The following MAMLD1 variants were observed in gnomAD, a reference collection of about 807,000 sequenced individuals.
MAMLD1 encodes the protein mastermind-like domain-containing protein 1.
In MAMLD1, 14 loss-of-function variants were observed where a neutral mutation model predicts 45.0. The ratio of observed to expected loss-of-function variants is 0.31; its 90% CI spans 0.21 to 0.49. The LOEUF (loss-of-function observed/expected upper bound fraction) is 0.49. MAMLD1 is among the 20% of genes least tolerant of loss of function. The probability of loss-of-function intolerance (pLI) is 0.99; values close to 1 mark genes in which losing one functional copy is unlikely to be tolerated. For synonymous variants in MAMLD1, 254 were observed against 247.8 expected (o/e 1.02, Z -0.24); for missense variants, 543 against 603.6 (o/e 0.90, Z 1.05).
At chrX:150,367,860 T>C (rs1456158408) in intron 1 of MAMLD1, among the ~76,000 whole-genome samples, 1 of 111,573 alleles carries the variant, frequency 9.0e-6, no homozygotes, top group African/African-American at 3.3e-5. Context: ...GTTTCTAGCT[T>C]CATCCATGTC....
At chrX:150,451,054 A>G (rs782447465) in intron 2 of MAMLD1, among the ~76,000 whole-genome samples, 1 of 112,663 alleles carries the variant, frequency 8.9e-6, no homozygotes, top group East Asian at 2.8e-4. Context: ...CTTGCAGGAC[A>G]CCACTGGGCT....
intron 2 of MAMLD1, 98 bp from the exon 3 acceptor site, chrX:150,462,674 G>C: frequency 1.7e-6 from 1 of 597,273 alleles, no homozygotes; most frequent in East Asian, 3.3e-5. Context: ...TTTGATTCAA[G>C]TAACAGTCTG....
chrX:150,474,183 G>A (rs1432696473), intron 5 of MAMLD1, among the ~76,000 whole-genome samples: 1 of 111,897 alleles, frequency 8.9e-6, no homozygotes, highest in Non-Finnish European at 1.9e-5. Flanking sequence ...AGAGGCAGGG[G>A]CTGTTACCAT....
chrX:150,377,623 T>A (rs782098069), intron 1 of MAMLD1, among the ~76,000 whole-genome samples: 37 of 111,675 alleles, frequency 3.3e-4, no homozygotes, highest in African/African-American at 1.2e-3. Flanking sequence ...AGGCCTTTAA[T>A]CTTTGATCTC....
intron 1 of MAMLD1, among the ~76,000 whole-genome samples, chrX:150,367,751 T>A (rs1176875548): frequency 2.0e-5 from 2 of 100,486 alleles, no homozygotes; most frequent in Non-Finnish European, 4.0e-5. Flanking sequence ...GATGTTCCCC[T>A]TCCTGTGTCC....
intron 5 of MAMLD1, among the ~76,000 whole-genome samples, chrX:150,481,945 AAAAGAAAGAAAGAAAGAAAAAAGAAAG>A (rs1268245371): frequency 1.3e-4 from 12 of 95,810 alleles, no homozygotes; most frequent in African/African-American, 4.1e-4. Flanking sequence ...AAAGAAAGAA[AAAAGAAAGAAAGAAAGAAAAAAGAAAG>A]AAAGAAAGAA....
Position 150,471,061 on chromosome X carries a change from G to A in MAMLD1, c.1488G>A (p.Gln496=), listed in dbSNP as rs1427557775. 16 of 1,209,552 alleles carry A rather than the reference G, an allele frequency of 1.3e-5. No individual in the cohort carries two copies. The highest frequency in any genetic ancestry group is 3.0e-5 in the East Asian group (1 of 33,777). ...TSNLLSQQQQ[Q]QQQQQQANVI... ...ATCTTCTAAGCCAGCAACAGCAGCA[G>A]CAGCAGCAGCAGCAGCAAGCAAATG... is the stretch of plus-strand genomic sequence containing the variant. The change falls in exon 4 of 8, where the codon CAG becomes CAA. Residue 496 remains glutamine (Q), a synonymous_variant. Coordinates refer to ENST00000370401, the MANE Select transcript of MAMLD1 (RefSeq NM_005491.5).
At chrX:150,370,464 A>G (rs1168269212) in intron 1 of MAMLD1, among the ~76,000 whole-genome samples, 4 of 112,139 alleles carry the variant, frequency 3.6e-5, no homozygotes, top group Non-Finnish European at 7.5e-5. Flanking sequence ...AGGAAGAAGA[A>G]AAGGCCCCAT....
intron 1 of MAMLD1, among the ~76,000 whole-genome samples, chrX:150,426,292 G>C (rs2034699875): frequency 8.9e-6 from 1 of 112,390 alleles, no homozygotes; most frequent in African/African-American, 3.2e-5. Context: ...GCCAGAAGTG[G>C]TCATGACTGA....
chrX:150,430,507 G>T (rs1435685947), intron 1 of MAMLD1, among the ~76,000 whole-genome samples: 1 of 111,270 alleles, frequency 9.0e-6, no homozygotes, highest in African/African-American at 3.3e-5. Context: ...TTCCTTTTAT[G>T]GGTTATGCTT....
At chrX:150,455,017 C>A (rs782605820) in intron 2 of MAMLD1, among the ~76,000 whole-genome samples, 1 of 110,815 alleles carries the variant, frequency 9.0e-6, no homozygotes, top group African/African-American at 3.3e-5. Context: ...CTCATGTACA[C>A]GTACATGGTT....
chrX:150,479,607 G>A (rs2148316550), intron 5 of MAMLD1, among the ~76,000 whole-genome samples: 1 of 112,197 alleles, frequency 8.9e-6, no homozygotes, highest in African/African-American at 3.2e-5. Flanking sequence ...ATTTGTCACT[G>A]TAAAGCAAGG....
At position 150,363,514 on chromosome X, in the gene MAMLD1, C is replaced by T. The variant is rs2031137565; in HGVS notation, c.-80C>T. On this transcript the variant is annotated 5_prime_UTR_variant, in exon 1 of 8. Coordinates refer to ENST00000370401, the MANE Select transcript of MAMLD1 (RefSeq NM_005491.5). Reference sequence around the variant, plus strand: ...CCTCGGACACTGCCCCCGCCGCCGCCGGAGCTCTGCAGCACGGTAAGGCTG... The same window carrying T: ...CCTCGGACACTGCCCCCGCCGCCGCTGGAGCTCTGCAGCACGGTAAGGCTG... 8.9e-6 allele frequency: 1 copy of T among 112,424 alleles called. No individual in the cohort carries two copies. Among genetic ancestry groups the T allele is most frequent in the African/African-American group, 3.2e-5 (1 of 30,908 alleles). The allele number at this position is 112,424 out of a possible 1,213,427, so 9.3% of individuals were successfully genotyped here.
intron 2 of MAMLD1, among the ~76,000 whole-genome samples, chrX:150,447,401 A>G (rs782607198): frequency 4.5e-5 from 5 of 111,901 alleles, no homozygotes; most frequent in African/African-American, 1.3e-4. Context: ...AGAATTTTAA[A>G]AATTTGCCTC....
chrX:150,471,084 A>T lies in MAMLD1; in HGVS notation c.1511A>T (p.Asn504Ile). The T allele has an allele frequency of 8.3e-7, 1 of 1,211,056 alleles. No homozygotes were observed. The highest frequency in any genetic ancestry group is 1.1e-6 in the Non-Finnish European group (1 of 895,338). The change falls in exon 4 of 8, where the codon AAT becomes ATT. Residue 504 changes from asparagine to isoleucine, a missense_variant. Physicochemically the swap from Asn to Ile is moderately radical, Grantham distance 149. Coordinates refer to ENST00000370401, the MANE Select transcript of MAMLD1 (RefSeq NM_005491.5). ...QQQQQQQQQA[N>I]VIFKPISSNS... ...CAGCAGCAGCAGCAGCAGCAAGCAA[A>T]TGTGATCTTTAAGCCCATAAGCAGC... is the stretch of plus-strand genomic sequence containing the variant.
chrX:150,371,411 G>A (rs190586706), intron 1 of MAMLD1, among the ~76,000 whole-genome samples: 31 of 110,707 alleles, frequency 2.8e-4, no homozygotes, highest in South Asian at 3.9e-4. Flanking sequence ...CCACCTGTGC[G>A]AGTACCTAGA....
At chrX:150,382,584 T>C (rs1557401767) in intron 1 of MAMLD1, among the ~76,000 whole-genome samples, 2 of 111,851 alleles carry the variant, frequency 1.8e-5, no homozygotes, top group Non-Finnish European at 1.9e-5. Flanking sequence ...ATCTTTACTA[T>C]GTTGAGTCTT....
chrX:150,409,947 A>G (rs1318830339), intron 1 of MAMLD1, among the ~76,000 whole-genome samples: 1 of 112,650 alleles, frequency 8.9e-6, no homozygotes, highest in African/African-American at 3.2e-5. Context: ...TATAATTGAC[A>G]TAGAAATGGT....
intron 2 of MAMLD1, among the ~76,000 whole-genome samples, chrX:150,462,531 G>T (rs1459258988): frequency 1.8e-5 from 2 of 111,980 alleles, no homozygotes; most frequent in Non-Finnish European, 3.8e-5. Flanking sequence ...CGCCTTTCTC[G>T]ATCCAACAGG....
Sources: gnomAD v4.1 joint callset for allele counts (sites outside exome capture counted in the v4.1 genomes callset) on GRCh38, gnomAD v4.1.1 for gene constraint, MANE v1.5 for transcripts, NCBI Gene and HGNC (gene_info 2026-07-23, HGNC 2026-07-21) for gene names.